LMLN: variants seen among roughly 807,000 people sequenced by gnomAD.
LMLN encodes the protein leishmanolysin like peptidase.
In LMLN, 70 loss-of-function variants were observed where a neutral mutation model predicts 92.3. The ratio of observed to expected loss-of-function variants is 0.76; its 90% CI spans 0.63 to 0.92. The LOEUF (loss-of-function observed/expected upper bound fraction) is 0.92. Ranked by LOEUF, LMLN falls within the 40% of genes least tolerant of loss-of-function variation. LMLN has a pLI of 0.00. For missense variants in LMLN, 691 were observed against 814.6 expected (o/e 0.85, Z 1.85); for synonymous variants, 308 against 296.2 (o/e 1.04, Z -0.41).
At chr3:198,034,239 A>G (rs1226491640) in intron 14 of LMLN, among the ~76,000 whole-genome samples, 1 of 152,262 alleles carries the variant, frequency 6.6e-6, no homozygotes, top group Non-Finnish European at 1.5e-5. Context: ...GAGAAGTTTC[A>G]GAAGTGTTTA....
chr3:197,963,201 C>CTTTTTTTTTTT (rs59827521), intron 1 of LMLN, among the ~76,000 whole-genome samples: 1 of 144,036 alleles, frequency 6.9e-6, no homozygotes. Flanking sequence ...TTTTCTCTCT[C>CTTTTTTTTTTT]TTTTTTTTTT....
intron 14 of LMLN, among the ~76,000 whole-genome samples, chr3:198,027,747 G>A (rs1259209045): frequency 6.6e-6 from 1 of 152,142 alleles, no homozygotes; most frequent in East Asian, 1.9e-4. Flanking sequence ...GATCTGTCAC[G>A]TTTTGAATCA....
exon 4 of LMLN, chr3:197,976,044 C>A (rs866253869): frequency 6.3e-7 from 1 of 1,594,124 alleles, no homozygotes; most frequent in Non-Finnish European, 8.6e-7. Context: ...GCTTTTCCCA[C>A]AAGCGATTTC....
chr3:197,964,497 C>G (rs1268330371), intron 1 of LMLN, among the ~76,000 whole-genome samples: 1 of 150,954 alleles, frequency 6.6e-6, no homozygotes, highest in African/African-American at 2.4e-5. Context: ...TTCCTGGGTT[C>G]AAGCTATTAC....
intron 11 of LMLN, among the ~76,000 whole-genome samples, chr3:198,008,320 A>G (rs890538301): frequency 2.6e-5 from 4 of 152,210 alleles, no homozygotes; most frequent in Admixed American, 1.3e-4. Context: ...CCTTCCAGTA[A>G]GAGAGATTTA....
intron 11 of LMLN, among the ~76,000 whole-genome samples, chr3:198,013,720 C>G (rs1358074151): frequency 1.4e-4 from 16 of 112,842 alleles, no homozygotes; most frequent in African/African-American, 3.0e-4. Flanking sequence ...TGACTTCTCT[C>G]CACCCTTCAG....
At chr3:197,976,703 G>A (rs371013026) in exon 5 of LMLN, 2 of 1,529,702 alleles carry the variant, frequency 1.3e-6, no homozygotes, top group African/African-American at 1.4e-5. Context: ...TTGTTCCTGA[G>A]GAACATCTCC....
chr3:198,013,068 C>A (rs1190473087), intron 11 of LMLN, among the ~76,000 whole-genome samples: 2 of 139,400 alleles, frequency 1.4e-5, no homozygotes, highest in Non-Finnish European at 3.1e-5. Flanking sequence ...CCTTCAGAGC[C>A]CCCTAACTAG....
intron 11 of LMLN, among the ~76,000 whole-genome samples, chr3:198,008,038 G>T (rs1722339172): frequency 6.6e-6 from 1 of 152,106 alleles, no homozygotes; most frequent in Admixed American, 6.6e-5. Context: ...TTCATTGGTT[G>T]ATTTTCAAAT....
chr3:197,971,028 G>C (rs1011582464), intron 1 of LMLN, among the ~76,000 whole-genome samples: 2 of 152,130 alleles, frequency 1.3e-5, no homozygotes, highest in Non-Finnish European at 2.9e-5. Flanking sequence ...ACTTTCATTG[G>C]ATATAGACTT....
intron 1 of LMLN, among the ~76,000 whole-genome samples, chr3:197,973,311 G>T (rs916888519): frequency 4.0e-5 from 6 of 150,488 alleles, no homozygotes; most frequent in African/African-American, 1.5e-4. Context: ...ACAAAATCTC[G>T]GCTCACTGCA....
At chr3:197,986,204 G>A (rs1406236351) in intron 8 of LMLN, among the ~76,000 whole-genome samples, 1 of 152,184 alleles carries the variant, frequency 6.6e-6, no homozygotes, top group Non-Finnish European at 1.5e-5. Flanking sequence ...GCTCATGCCT[G>A]TAATCCTGCA....
intron 1 of LMLN, among the ~76,000 whole-genome samples, chr3:197,965,951 T>A (rs1043048489): frequency 6.6e-6 from 1 of 152,240 alleles, no homozygotes. Context: ...GGTTCAAGCT[T>A]ACATGTGTAT....
intron 14 of LMLN, among the ~76,000 whole-genome samples, chr3:198,026,019 G>A (rs371739620): frequency 4.4e-4 from 66 of 151,624 alleles, no homozygotes; most frequent in African/African-American, 1.6e-3. Context: ...ACAATGGTGC[G>A]ATCACGCTCA....
chr3:198,021,397 T>C, intron 12 of LMLN, 49 bp from the exon 14 acceptor site: 2 of 1,578,482 alleles, frequency 1.3e-6, no homozygotes, highest in Non-Finnish European at 1.7e-6. Context: ...TCCTCAATTT[T>C]ATACAGAATG....
At chr3:197,960,563 A>G in intron 1 of LMLN, 123 bp downstream of exon 1, 1 of 789,114 alleles carries the variant, frequency 1.3e-6, no homozygotes, top group Non-Finnish European at 1.8e-6. Flanking sequence ...GCAGAGCCTG[A>G]CTCTTACAGG....
At chr3:198,010,877 ATATGT>A (rs77590901) in intron 11 of LMLN, among the ~76,000 whole-genome samples, 184 of 152,210 alleles carry the variant, frequency 1.2e-3, no homozygotes, top group Admixed American at 3.5e-3. Flanking sequence ...ACAAATTCCA[ATATGT>A]TATATTTTTA....
chr3:197,985,276 G>A (rs764929723), intron 7 of LMLN, among the ~76,000 whole-genome samples: 5 of 151,864 alleles, frequency 3.3e-5, no homozygotes, highest in African/African-American at 7.3e-5. Context: ...AAGAAGGGCC[G>A]GGCGCGGTGG....
At chr3:197,978,270 T>C (rs746676417) in intron 5 of LMLN, among the ~76,000 whole-genome samples, 6 of 152,370 alleles carry the variant, frequency 3.9e-5, no homozygotes, top group Non-Finnish European at 7.3e-5. Context: ...AGTGCTTTTC[T>C]TTCATAAGTT....
Sources: allele counts gnomAD v4.1 joint callset (sites outside exome capture counted in the v4.1 genomes callset), GRCh38; gene constraint gnomAD v4.1.1; transcripts MANE v1.5; gene names NCBI Gene and HGNC (gene_info 2026-07-23, HGNC 2026-07-21).